HELZ: variants seen among roughly 807,000 people sequenced by gnomAD.
HELZ encodes helicase with zinc finger.
HELZ carries 23 observed loss-of-function variants against 218.2 expected under a neutral mutation model. The observed-to-expected ratio is 0.11, with a 90% CI of 0.08 to 0.15. The LOEUF is 0.15. HELZ is among the 10% of genes least tolerant of loss of function. The pLI is 1.00. For synonymous variants in HELZ, 814 were observed against 829.4 expected (o/e 0.98, Z 0.32); for missense variants, 1,813 against 2,353.7 (o/e 0.77, Z 4.75).
intron 9 of HELZ, among the ~76,000 whole-genome samples, chr17:67,190,971 G>A (rs1037402601): frequency 9.9e-5 from 15 of 152,076 alleles, no homozygotes; most frequent in African/African-American, 3.6e-4. Flanking sequence ...GCCTCCCAAA[G>A]TGCTGGGATT....
At chr17:67,184,243 GAGGGAAAT>G (rs559089893) in intron 12 of HELZ, among the ~76,000 whole-genome samples, 3 of 152,336 alleles carry the variant, frequency 2.0e-5, no homozygotes, top group African/African-American at 7.2e-5. Flanking sequence ...CTGTCTCTAA[GAGGGAAAT>G]AATGCATGCT....
At chr17:67,095,916 G>A (rs915556640) in intron 31 of HELZ, among the ~76,000 whole-genome samples, 5 of 152,148 alleles carry the variant, frequency 3.3e-5, no homozygotes, top group Non-Finnish European at 7.4e-5. Context: ...ATCCATCAGA[G>A]GAATCACTGT....
At chr17:67,105,380 A>T (rs1408811617) in intron 31 of HELZ, among the ~76,000 whole-genome samples, 4 of 152,218 alleles carry the variant, frequency 2.6e-5, no homozygotes, top group Non-Finnish European at 5.9e-5. Context: ...AAAAGGCCAC[A>T]TAATGTATGA....
Position 67,128,814 on chromosome 17 carries a change from C to T in HELZ, c.3224G>A (p.Ser1075Asn), listed in dbSNP as rs766410322. 6 of 1,614,122 alleles carry T rather than the reference C, an allele frequency of 3.7e-6. No individual in the cohort carries two copies. Among genetic ancestry groups the T allele is most frequent in the Admixed American group, 1.7e-5 (1 of 60,018 alleles). The change falls in exon 24 of 33, where the codon AGT (serine) becomes AAT (asparagine). Residue 1075 changes from serine to asparagine, a missense_variant. Ser to Asn is a conservative substitution (Grantham distance 46). Transcript: ENST00000358691. ...ERFIALCHEN[S>N]SLHGITFEQI... Reference sequence around the variant, plus strand: ...TTCAAAAGTGATTCCATGTAGGCTACTGTTTTCATGACACAGGGCAATAAA... The same window carrying T: ...TTCAAAAGTGATTCCATGTAGGCTATTGTTTTCATGACACAGGGCAATAAA...
intron 20 of HELZ, among the ~76,000 whole-genome samples, chr17:67,148,140 G>A (rs1003909300): frequency 3.9e-5 from 6 of 152,192 alleles, no homozygotes; most frequent in Non-Finnish European, 8.8e-5. Flanking sequence ...GACTGCTGGG[G>A]GGCCGGGAGG....
At chr17:67,191,579 G>C (rs1176713913) in intron 9 of HELZ, among the ~76,000 whole-genome samples, 1 of 151,932 alleles carries the variant, frequency 6.6e-6, no homozygotes, top group African/African-American at 2.4e-5. Context: ...AGCCTTCAGA[G>C]TAGCTGGGAT....
chr17:67,070,489 T>G lies in HELZ; in HGVS notation c.*7763A>C, dbSNP rs1477934271. On this transcript the variant is annotated 3_prime_UTR_variant, in exon 33 of 33. Transcript: ENST00000358691. ...TATAAATACATTTTAGTTGTAGCAG[T>G]AAAATACATTTTGTTACCATGAATC... 1 of 152,192 alleles carries G rather than the reference T, an allele frequency of 6.6e-6. No individual in the cohort carries two copies. Among genetic ancestry groups the G allele is most frequent in the African/African-American group, 2.4e-5 (1 of 41,464 alleles). The allele number at this position is 152,192 out of a possible 1,614,324, so 9.4% of individuals were successfully genotyped here. A position where few individuals can be genotyped will look rare whatever the true frequency, so the allele number is the denominator to read the frequency against.
chr17:67,138,959 T>A lies in HELZ; in HGVS notation c.2770-845A>T, dbSNP rs1381443668. ...CTTATGGTTTATTTAGAAAAGAGAGTCATAATAAAAAAAATATATAAGGCA... is the reference window on the plus strand; with the variant it reads ...CTTATGGTTTATTTAGAAAAGAGAGACATAATAAAAAAAATATATAAGGCA... On this transcript the variant is annotated intron_variant, in intron 21 of 32. Coordinates refer to ENST00000358691, the MANE Select transcript of HELZ (RefSeq NM_014877.4). Among the ~76,000 whole-genome samples, 3 of 151,828 alleles carry A rather than the reference T, an allele frequency of 2.0e-5. No individual in the cohort carries two copies. The East Asian group carries it at 5.8e-4, about 29-fold the overall frequency.
At position 67,136,048 on chromosome 17, in the gene HELZ, T is replaced by C. The variant is rs1325759253; in HGVS notation, c.3104A>G (p.Asn1035Ser). 9.3e-6 allele frequency: 15 copies of C among 1,613,856 alleles called. No homozygotes were observed. The highest frequency in any genetic ancestry group is 1.3e-5 in the African/African-American group (1 of 74,924). The change falls in exon 23 of 33, where the codon AAT becomes AGT. Residue 1035 changes from asparagine to serine, a missense_variant. Physicochemically the swap from Asn to Ser is conservative, Grantham distance 46. This residue lies in a region of HELZ where 156 missense variants were observed against 274.4 expected (regional missense o/e 0.57). Coordinates refer to ENST00000358691, the MANE Select transcript of HELZ (RefSeq NM_014877.4). ...YGFLSNYKLL[N>S]TAITRAQSLV... The stretch of plus-strand genomic sequence containing the variant: ...GGATTGTGCTCTTGTGATGGCAGTA[T>C]TGAGAAGCTTGTAGTTAGATAAAAA...
chr17:67,227,847 C>T (rs2040935508), intron 3 of HELZ, among the ~76,000 whole-genome samples: 1 of 152,134 alleles, frequency 6.6e-6, no homozygotes, highest in South Asian at 2.1e-4. Context: ...CAGCTATATT[C>T]CTCAAATTAA....
intron 11 of HELZ, 122 bp downstream of exon 11, chr17:67,189,467 T>C: frequency 3.2e-6 from 2 of 622,452 alleles, no homozygotes; most frequent in Non-Finnish European, 5.8e-6. Flanking sequence ...ATATAGAACC[T>C]ATATATAATG....
intron 17 of HELZ, among the ~76,000 whole-genome samples, chr17:67,154,700 T>G (rs1459987020): frequency 2.0e-5 from 3 of 152,208 alleles, no homozygotes; most frequent in African/African-American, 7.2e-5. Flanking sequence ...TTGAGTTCAT[T>G]TTTCCATTTT....
chr17:67,205,570 ATATCT>A (rs2040275509), intron 5 of HELZ, among the ~76,000 whole-genome samples: 1 of 152,220 alleles, frequency 6.6e-6, no homozygotes, highest in Admixed American at 6.5e-5. Flanking sequence ...TGCTGAGGAA[ATATCT>A]TAGTTCATTT....
At chr17:67,103,868 TAC>T (rs1321151246) in intron 31 of HELZ, among the ~76,000 whole-genome samples, 1 of 152,134 alleles carries the variant, frequency 6.6e-6, no homozygotes, top group Non-Finnish European at 1.5e-5. Context: ...CAGTGTACAA[TAC>T]AGTGTGGTAC....
chr17:67,115,266 T>C (rs1334041500), intron 27 of HELZ, among the ~76,000 whole-genome samples: 1 of 151,496 alleles, frequency 6.6e-6, no homozygotes, highest in Non-Finnish European at 1.5e-5. Context: ...AAATGAAACA[T>C]GAAGAGAAAA....
chr17:67,089,690 G>C lies in HELZ; in HGVS notation c.5242-2609C>G, dbSNP rs1483943970. Among the ~76,000 whole-genome samples the C allele has an allele frequency of 3.8e-4, 51 of 134,390 alleles. 1 individual carries two copies. The highest frequency in any genetic ancestry group is 3.7e-3 in the Admixed American group (50 of 13,400). The allele number at this position is 134,390 out of a possible 152,430, so 88.2% of individuals were successfully genotyped here. ...ATATAGAGAGAGAGAGAGAGAGAGAGAGAGAGAGAGACAGAGAGACAGAGA... is the reference window on the plus strand; with the variant it reads ...ATATAGAGAGAGAGAGAGAGAGAGACAGAGAGAGAGACAGAGAGACAGAGA... On this transcript the variant is annotated intron_variant, in intron 31 of 32. Transcript: ENST00000358691.
chr17:67,245,426 C>T (rs1025546919), upstream of HELZ: 7 of 943,724 alleles, frequency 7.4e-6, no homozygotes, highest in African/African-American at 1.1e-4. Flanking sequence ...CTCCCTTTCT[C>T]CTGCCCCGGC....
At chr17:67,192,009 G>A (rs1216068156) in intron 9 of HELZ, among the ~76,000 whole-genome samples, 1 of 151,694 alleles carries the variant, frequency 6.6e-6, no homozygotes, top group Admixed American at 6.6e-5. Context: ...TTCAAGACCA[G>A]CCTGACCAAC....
chr17:67,195,615 G>A (rs2040002233), intron 7 of HELZ, 145 bp from the exon 8 acceptor site: 1 of 579,232 alleles, frequency 1.7e-6, no homozygotes, highest in South Asian at 2.4e-5. Context: ...AATGATTTTT[G>A]TTTTTTTCTA....
Sources: gnomAD v4.1 joint callset for allele counts (sites outside exome capture counted in the v4.1 genomes callset) on GRCh38, gnomAD v4.1.1 for gene constraint, gnomAD v4.1.1 regional missense constraint, MANE v1.5 for transcripts, NCBI Gene and HGNC (gene_info 2026-07-23, HGNC 2026-07-21) for gene names.